The following CFDP1 variants were observed in gnomAD, a reference collection of about 807,000 sequenced individuals.
The protein encoded by CFDP1 is heterochromatin-stabilizing protein CFDP1.
Under a neutral mutation model 40.1 loss-of-function variants are expected in CFDP1, and 31 were observed. That is an observed-to-expected ratio of 0.77 (90% CI 0.58 to 1.04). The LOEUF (loss-of-function observed/expected upper bound fraction) is 1.04. CFDP1 is among the 50% of genes least tolerant of loss of function. The pLI is 0.00. For synonymous variants in CFDP1, 167 were observed against 120.0 expected (o/e 1.39, Z -2.56); for missense variants, 423 against 343.4 (o/e 1.23, Z -1.83).
chr16:75,412,406 G>C, intron 3 of CFDP1, 129 bp downstream of exon 3: 1 of 757,902 alleles, frequency 1.3e-6, no homozygotes, highest in South Asian at 1.7e-5. Flanking sequence ...TCCTACCACA[G>C]GAAATGCTTT....
At chr16:75,366,794 T>C (rs548456745) in intron 5 of CFDP1, among the ~76,000 whole-genome samples, 2 of 152,238 alleles carry the variant, frequency 1.3e-5, no homozygotes, top group East Asian at 3.9e-4. Flanking sequence ...TGACTGCAAA[T>C]GGGCAGAAGG....
intron 5 of CFDP1, among the ~76,000 whole-genome samples, chr16:75,349,594 T>C (rs2078594060): frequency 2.9e-5 from 4 of 135,958 alleles, no homozygotes; most frequent in African/African-American, 8.4e-5. Flanking sequence ...GAGAATGCAG[T>C]GAGCTGTGTT....
chr16:75,409,791 G>A (rs945001424), intron 4 of CFDP1, among the ~76,000 whole-genome samples: 2 of 152,048 alleles, frequency 1.3e-5, no homozygotes, highest in Non-Finnish European at 2.9e-5. Flanking sequence ...ATTAACCAGT[G>A]GTGAATCTGG....
At chr16:75,372,945 T>C (rs990467040) in intron 5 of CFDP1, among the ~76,000 whole-genome samples, 1 of 152,188 alleles carries the variant, frequency 6.6e-6, no homozygotes, top group Non-Finnish European at 1.5e-5. Context: ...AAATTAACTT[T>C]ATCAACTGTA....
chr16:75,417,167 T>TCAAAAA (rs1464455088), intron 1 of CFDP1, among the ~76,000 whole-genome samples: 4 of 152,060 alleles, frequency 2.6e-5, no homozygotes, highest in Admixed American at 2.0e-4. Flanking sequence ...AGACCCTGTC[T>TCAAAAA]CAAAAACAAA....
chr16:75,323,694 G>A (rs990174386), intron 5 of CFDP1, among the ~76,000 whole-genome samples: 1 of 151,288 alleles, frequency 6.6e-6, no homozygotes, highest in Non-Finnish European at 1.5e-5. Flanking sequence ...CAGGAGAACT[G>A]CTTGAATCCA....
At chr16:75,342,317 C>T (rs1485792363) in intron 5 of CFDP1, among the ~76,000 whole-genome samples, 1 of 152,198 alleles carries the variant, frequency 6.6e-6, no homozygotes, top group Non-Finnish European at 1.5e-5. Context: ...TCCTTGTTGG[C>T]ACTCCTGTCT....
At chr16:75,353,873 T>C (rs977489016) in intron 5 of CFDP1, among the ~76,000 whole-genome samples, 8 of 151,984 alleles carry the variant, frequency 5.3e-5, no homozygotes, top group African/African-American at 1.9e-4. Flanking sequence ...TTTCAAACCA[T>C]TTTTCCCTTC....
intron 5 of CFDP1, among the ~76,000 whole-genome samples, chr16:75,346,425 T>C (rs1403576074): frequency 1.3e-5 from 2 of 151,206 alleles, no homozygotes; most frequent in Non-Finnish European, 2.9e-5. Context: ...CTACTAAAAA[T>C]ACAAAAAATT....
At chr16:75,298,410 G>C (rs2078199116) in intron 6 of CFDP1, among the ~76,000 whole-genome samples, 4 of 152,188 alleles carry the variant, frequency 2.6e-5, no homozygotes, top group Admixed American at 2.0e-4. Flanking sequence ...GTCAGGAAGA[G>C]GGAGAGCACA....
At chr16:75,306,249 T>A (rs529559823) in intron 5 of CFDP1, 6 of 152,346 alleles carry the variant, frequency 3.9e-5, no homozygotes, top group Admixed American at 3.9e-4. Context: ...CATGATCTCA[T>A]CTAACTCTCA....
At chr16:75,406,709 A>AAAAATAAAT (rs911654329) in intron 4 of CFDP1, 12 of 151,864 alleles carry the variant, frequency 7.9e-5, no homozygotes, top group Non-Finnish European at 1.3e-4. Flanking sequence ...CTCAAAAAAT[A>AAAAATAAAT]AAAATAAATA....
chr16:75,318,765 G>A (rs778067644), intron 5 of CFDP1, among the ~76,000 whole-genome samples: 9 of 151,986 alleles, frequency 5.9e-5, no homozygotes, highest in African/African-American at 2.2e-4. Flanking sequence ...TTTTCTCCCA[G>A]GGATGCATGT....
intron 5 of CFDP1, among the ~76,000 whole-genome samples, chr16:75,374,986 C>A (rs960029297): frequency 2.6e-5 from 4 of 151,912 alleles, no homozygotes; most frequent in African/African-American, 9.7e-5. Flanking sequence ...TATTAACTTT[C>A]ATTTTGTCTT....
intron 4 of CFDP1, among the ~76,000 whole-genome samples, chr16:75,397,039 A>G (rs919116864): frequency 2.6e-5 from 4 of 151,666 alleles, no homozygotes; most frequent in Non-Finnish European, 4.4e-5. Context: ...TCAGCCTCCC[A>G]AGCAGCTGGG....
intron 5 of CFDP1, among the ~76,000 whole-genome samples, chr16:75,321,484 A>T (rs1193605969): frequency 6.6e-6 from 1 of 152,178 alleles, no homozygotes; most frequent in East Asian, 1.9e-4. Context: ...TTTCTGCCTC[A>T]ACAGATTTAC....
At chr16:75,394,829 A>T in intron 5 of CFDP1, 4 of 235,756 alleles carry the variant, frequency 1.7e-5, no homozygotes, top group Non-Finnish European at 3.3e-5. Context: ...TGCCCAGCTA[A>T]TTTTTTTTTT....
chr16:75,296,056 C>T (rs1254357022), intron 6 of CFDP1, among the ~76,000 whole-genome samples: 1 of 152,082 alleles, frequency 6.6e-6, no homozygotes, highest in Non-Finnish European at 1.5e-5. Context: ...TTAACTGTCC[C>T]CTGGAAGTGC....
intron 1 of CFDP1, among the ~76,000 whole-genome samples, chr16:75,432,158 C>A (rs1229353766): frequency 1.3e-5 from 2 of 150,862 alleles, no homozygotes; most frequent in African/African-American, 4.9e-5. Flanking sequence ...GATCCACCCA[C>A]CTCAGCCTCC....
Sources: allele counts gnomAD v4.1 joint callset (sites outside exome capture counted in the v4.1 genomes callset), GRCh38; gene constraint gnomAD v4.1.1; transcripts MANE v1.5; gene names NCBI Gene and HGNC (gene_info 2026-07-23, HGNC 2026-07-21).